The following SIPA1L1 variants were observed in gnomAD, a reference collection of about 807,000 sequenced individuals.
The protein encoded by SIPA1L1 is signal induced proliferation associated 1 like 1, also known as signal-induced proliferation-associated 1-like protein 1.
Under a neutral mutation model 162.7 loss-of-function variants are expected in SIPA1L1, and 26 were observed. That is an observed-to-expected ratio of 0.16 (90% CI 0.12 to 0.22). The LOEUF is 0.22. Ranked by LOEUF, SIPA1L1 falls within the 10% of genes least tolerant of loss-of-function variation. The pLI is 1.00. For missense variants in SIPA1L1, 1,874 were observed against 2,241.0 expected, an observed-to-expected ratio of 0.84 and a Z score of 3.31; for synonymous variants, 829 against 837.4, an observed-to-expected ratio of 0.99 and a Z score of 0.17.
At chr14:71,674,206 C>T (rs1321595517) in intron 12 of SIPA1L1, among the ~76,000 whole-genome samples, 1 of 152,152 alleles carries the variant, frequency 6.6e-6, no homozygotes, top group Non-Finnish European at 1.5e-5. Context: ...GCCATCTTGC[C>T]CACTCAGAAG....
intron 2 of SIPA1L1, among the ~76,000 whole-genome samples, chr14:71,354,399 T>C (rs2037033457): frequency 6.6e-6 from 1 of 151,656 alleles, no homozygotes. Flanking sequence ...CTCTTCAGCC[T>C]CCTGAGTTGC....
At chr14:71,699,326 C>T (rs2149790401) in intron 14 of SIPA1L1, among the ~76,000 whole-genome samples, 199 bp downstream of exon 14, 1 of 152,312 alleles carries the variant, frequency 6.6e-6, no homozygotes, top group East Asian at 1.9e-4. Context: ...GTTTATCATC[C>T]TCTAGCCTCT....
At chr14:71,596,423 C>A (rs778805281) in intron 5 of SIPA1L1, among the ~76,000 whole-genome samples, 2 of 152,056 alleles carry the variant, frequency 1.3e-5, no homozygotes, top group Non-Finnish European at 2.9e-5. Flanking sequence ...TTCTTGTGAC[C>A]GAACTGGTTG....
intron 2 of SIPA1L1, among the ~76,000 whole-genome samples, chr14:71,506,923 C>T (rs569166265): frequency 2.0e-5 from 3 of 152,008 alleles, no homozygotes; most frequent in African/African-American, 7.2e-5. Flanking sequence ...CTCTGCCTCC[C>T]ACAGTGCTGG....
At chr14:71,365,774 G>A (rs1224324522) in intron 2 of SIPA1L1, among the ~76,000 whole-genome samples, 1 of 150,182 alleles carries the variant, frequency 6.7e-6, no homozygotes, top group Non-Finnish European at 1.5e-5. Flanking sequence ...CACCCAGGCT[G>A]TCGTGCAGTG....
intron 2 of SIPA1L1, among the ~76,000 whole-genome samples, chr14:71,341,018 G>C (rs1389625982): frequency 6.6e-6 from 1 of 152,244 alleles, no homozygotes; most frequent in African/African-American, 2.4e-5. Flanking sequence ...GACACCTAGA[G>C]AAAAGTCATG....
chr14:71,322,262 A>T (rs1034772234), intron 2 of SIPA1L1, among the ~76,000 whole-genome samples: 3 of 152,216 alleles, frequency 2.0e-5, no homozygotes, highest in Non-Finnish European at 4.4e-5. Flanking sequence ...GTTAAGTGTC[A>T]ACTTTCTCCT....
chr14:71,327,080 CT>C (rs532549428), intron 2 of SIPA1L1, among the ~76,000 whole-genome samples: 343 of 127,706 alleles, frequency 2.7e-3, no homozygotes, highest in Non-Finnish European at 3.0e-3. Context: ...TGATTGAAAT[CT>C]TTTTTTTTTT....
rs550761848 is a variant in SIPA1L1 at position 71,571,037 on chromosome 14, C to G, written c.-302-16534C>G. On this transcript the variant is annotated intron_variant, in intron 4 of 23. Coordinates refer to ENST00000381232, the MANE Select transcript of SIPA1L1 (RefSeq NM_001386936.1). ...CTCGAACTCCTGACCTCAGGTGACCCAGCTGTCTTGGCCTTCCAAAGTGCT... is the reference window on the plus strand; with the variant it reads ...CTCGAACTCCTGACCTCAGGTGACCGAGCTGTCTTGGCCTTCCAAAGTGCT... Among the ~76,000 whole-genome samples the G allele has an allele frequency of 5.3e-5, 8 of 152,296 alleles. No homozygotes were observed. In the East Asian group the frequency reaches 1.4e-3, roughly 26 times the overall value.
chr14:71,328,055 T>C (rs1397164630), intron 2 of SIPA1L1, among the ~76,000 whole-genome samples: 3 of 152,242 alleles, frequency 2.0e-5, no homozygotes, highest in Admixed American at 6.5e-5. Context: ...AGTATTGTTT[T>C]ATTTTTTAAA....
chr14:71,566,598 A>G (rs545737365), intron 4 of SIPA1L1, among the ~76,000 whole-genome samples: 1 of 152,344 alleles, frequency 6.6e-6, no homozygotes, highest in Non-Finnish European at 1.5e-5. Context: ...TGTTTTTGAC[A>G]TTGTATACAA....
chr14:71,365,073 C>T (rs976915476), intron 2 of SIPA1L1, among the ~76,000 whole-genome samples: 4 of 151,898 alleles, frequency 2.6e-5, no homozygotes, highest in Admixed American at 6.6e-5. Context: ...GTTGCCCAGG[C>T]TGGAGTGTAG....
intron 14 of SIPA1L1, among the ~76,000 whole-genome samples, chr14:71,700,511 T>C (rs981441866): frequency 6.6e-6 from 1 of 152,202 alleles, no homozygotes; most frequent in African/African-American, 2.4e-5. Flanking sequence ...AGGGAGGAGA[T>C]GGCAAAAAGT....
chr14:71,490,586 A>G (rs2049163618), intron 2 of SIPA1L1, among the ~76,000 whole-genome samples: 1 of 152,200 alleles, frequency 6.6e-6, no homozygotes, highest in South Asian at 2.1e-4. Flanking sequence ...ATGTGTTTCC[A>G]ACAGAGGACC....
rs141106111 is a variant in SIPA1L1, at chr14:71,685,382, G to A, written c.3125G>A (p.Arg1042His). 9 of 1,613,956 alleles carry A rather than the reference G, an allele frequency of 5.6e-6. No homozygotes were observed. Among genetic ancestry groups the A allele is most frequent in the African/African-American group, 2.7e-5 (2 of 74,904 alleles). The change falls in exon 13 of 24, where the codon CGC (arginine) becomes CAC (histidine). Residue 1042 changes from arginine to histidine, a missense_variant. Arg to His is a conservative substitution (Grantham distance 29). Coordinates refer to ENST00000381232, the MANE Select transcript of SIPA1L1 (RefSeq NM_001386936.1). ...AATAGGAGTTGCTCTGAAACCTACC[G>A]CATGCCAGTGATGGAGTACAAAATG... ...TPRRSCSETYRMPVMEYKMNE... is the reference protein window; with the variant it reads ...TPRRSCSETYHMPVMEYKMNE...
At chr14:71,657,941 T>G (rs1407147159) in intron 8 of SIPA1L1, among the ~76,000 whole-genome samples, 1 of 152,180 alleles carries the variant, frequency 6.6e-6, no homozygotes, top group Admixed American at 6.5e-5. Flanking sequence ...TATTTGTTGT[T>G]GCAGACATCT....
At chr14:71,731,277 G>T (rs1434413615) in intron 20 of SIPA1L1, among the ~76,000 whole-genome samples, 1 of 152,066 alleles carries the variant, frequency 6.6e-6, no homozygotes, top group African/African-American at 2.4e-5. Flanking sequence ...GTTCAGCAGC[G>T]CAGTCCCACC....
At chr14:71,686,366 A>G (rs2080866067) in intron 13 of SIPA1L1, among the ~76,000 whole-genome samples, 1 of 152,318 alleles carries the variant, frequency 6.6e-6, no homozygotes, top group South Asian at 2.1e-4. Flanking sequence ...ACTTTGAACT[A>G]GAGTCCAGGC....
chr14:71,408,995 C>T (rs2042220359), intron 2 of SIPA1L1, among the ~76,000 whole-genome samples: 1 of 152,156 alleles, frequency 6.6e-6, no homozygotes, highest in Admixed American at 6.5e-5. Flanking sequence ...TCGAGGAACT[C>T]GTGCTTAGCA....
Sources: allele counts gnomAD v4.1 joint callset (sites outside exome capture counted in the v4.1 genomes callset), GRCh38; gene constraint gnomAD v4.1.1; transcripts MANE v1.5; gene names NCBI Gene and HGNC (gene_info 2026-07-23, HGNC 2026-07-21).